Variants in GRIP2 observed in about 807,000 individuals in gnomAD.
GRIP2 encodes glutamate receptor-interacting protein 2.
Under a neutral mutation model 108.3 loss-of-function variants are expected in GRIP2, and 58 were observed. That is an observed-to-expected ratio of 0.54 (90% CI 0.43 to 0.67). The LOEUF (loss-of-function observed/expected upper bound fraction) is 0.67, where lower values mean the gene tolerates loss of function less well. Among genes scored for constraint, GRIP2 ranks in the 30% least tolerant of loss-of-function variants. The pLI is 0.00. For synonymous variants in GRIP2, 586 were observed against 598.2 expected (o/e 0.98, Z 0.30); for missense variants, 1,278 against 1,430.6 (o/e 0.89, Z 1.72).
At position 14,517,086 on chromosome 3, in the gene GRIP2, T is replaced by C; in HGVS notation, c.1284A>G (p.Arg428=). 1 of 1,597,498 alleles carries C rather than the reference T, an allele frequency of 6.3e-7. No homozygotes were observed. Among genetic ancestry groups the C allele is most frequent in the Non-Finnish European group, 8.5e-7 (1 of 1,172,338 alleles). The change falls in exon 11 of 24, where the codon CGA becomes CGG. Residue 428 remains arginine (R), a synonymous_variant. Transcript: ENST00000621039. The part of the protein sequence containing the change: ...PRTTMGRRRQ[R]RREHKSSLSL... The stretch of plus-strand genomic sequence containing the variant: ...TACACGAGCTCTTGTGTTCCCTTCT[T>C]CGCTGCCTCCTCCGCCCCATTGTAG...
the GRIP2 span, among the ~76,000 whole-genome samples, chr3:14,600,491 T>A: frequency 6.6e-6 from 1 of 152,214 alleles, no homozygotes; most frequent in Admixed American, 6.5e-5. Context: ...AGCCCACTCC[T>A]CTTTGTTGAG....
chr3:14,580,955 T>C, the GRIP2 span, among the ~76,000 whole-genome samples: 16 of 152,190 alleles, frequency 1.1e-4, no homozygotes, highest in Non-Finnish European at 1.9e-4. Context: ...GGCTGCAACA[T>C]AGAGACCCTG....
chr3:14,532,273 C>A (rs1243857966), intron 1 of GRIP2, among the ~76,000 whole-genome samples: 2 of 152,192 alleles, frequency 1.3e-5, no homozygotes, highest in Non-Finnish European at 2.9e-5. Context: ...CTGCTCCAGC[C>A]AGGTCTTTTT....
At chr3:14,535,601 G>A (rs1694816072) in intron 1 of GRIP2, among the ~76,000 whole-genome samples, 1 of 152,220 alleles carries the variant, frequency 6.6e-6, no homozygotes, top group Admixed American at 6.5e-5. Context: ...TACAGATGAG[G>A]AAACTGAGGC....
intron 1 of GRIP2, among the ~76,000 whole-genome samples, chr3:14,535,489 G>A (rs922575214): frequency 2.0e-5 from 3 of 152,222 alleles, no homozygotes; most frequent in Non-Finnish European, 4.4e-5. Flanking sequence ...GATCAATCAT[G>A]ATGATGGCTC....
chr3:14,538,583 T>C (rs549403692), intron 1 of GRIP2, among the ~76,000 whole-genome samples: 6 of 152,254 alleles, frequency 3.9e-5, no homozygotes, highest in Admixed American at 3.9e-4. Flanking sequence ...CTTTACACTT[T>C]TTGGAAGAAG....
At chr3:14,599,713 T>TGTGTGTGTG in the GRIP2 span, among the ~76,000 whole-genome samples, 3 of 73,516 alleles carry the variant, frequency 4.1e-5, no homozygotes, top group African/African-American at 1.8e-4. Flanking sequence ...GTGTGTGTGT[T>TGTGTGTGTG]TGTGTGTGTG....
At chr3:14,541,982 C>T (rs746586226), upstream of GRIP2, 33 of 1,352,212 alleles carry the variant, frequency 2.4e-5, no homozygotes, top group Middle Eastern at 6.3e-4. Flanking sequence ...GCTTCAACCA[C>T]GCGGGAAGGA....
rs199608684 is a variant in GRIP2, at chr3:14,513,769, T to C, written c.1535A>G (p.Asn512Ser). 828 of 1,612,720 alleles carry C rather than the reference T, an allele frequency of 5.1e-4. 4 individuals carry two copies. Among genetic ancestry groups the C allele is most frequent in the Admixed American group, 9.9e-4 (59 of 59,878 alleles). ...LQVGDRVLSI[N>S]GIATEDGTME... ...AGTCCCGTCCTCGGTGGCAATGCCA[T>C]TGATGGACAGGACACGGTCCCCCAC... The change falls in exon 13 of 24, where the codon AAT becomes AGT. Residue 512 changes from asparagine (N) to serine (S), a missense_variant. Coordinates refer to ENST00000621039, the MANE Select transcript of GRIP2 (RefSeq NM_001080423.4).
In GRIP2 at chr3:14,512,723, T is replaced by A. The variant is rs920218725; in HGVS notation, c.1720+54A>T. 1 of 1,532,056 alleles carries A rather than the reference T, an allele frequency of 6.5e-7. No homozygotes were observed. Among genetic ancestry groups the A allele is most frequent in the Non-Finnish European group, 9.0e-7 (1 of 1,110,196 alleles). 94.9% of individuals were successfully genotyped at this position (1,532,056 alleles called of 1,614,324 possible). A position where few individuals can be genotyped will look rare whatever the true frequency, so the allele number is the denominator to read the frequency against. ...TGGTCTGAGCTTGGCAAGCTCTTTT[T>A]CCCCAGCAGTTGAGCTCGCTCCCAG... On this transcript the variant is annotated intron_variant, in intron 14 of 23. Transcript: ENST00000621039. The surrounding 1 kb of genome is among the most constrained non-coding windows in gnomAD (Gnocchi z 5.1).
Position 14,517,080 on chromosome 3 carries a change from C to A in GRIP2, c.1290G>T (p.Arg430Ser). Residue 430 changes from arginine to serine, a missense_variant, in exon 11 of 24, where the codon AGG (arginine) becomes AGT (serine). Transcript: ENST00000621039. ...ACAGCTTACACGAGCTCTTGTGTTC[C>A]CTTCTTCGCTGCCTCCTCCGCCCCA... ...TTMGRRRQRRREHKSSLSLAS... is the reference protein window; with the variant it reads ...TTMGRRRQRRSEHKSSLSLAS... 1 of 1,589,560 alleles carries A rather than the reference C, an allele frequency of 6.3e-7. No individual in the cohort carries two copies. Among genetic ancestry groups the A allele is most frequent in the East Asian group, 2.3e-5 (1 of 43,426 alleles).
In GRIP2 at chr3:14,507,484, G is replaced by C. The variant is rs759299865; in HGVS notation, c.2218+77C>G. On this transcript the variant is annotated intron_variant, in intron 18 of 23. Transcript: ENST00000621039. The surrounding 1 kb of genome is among the most constrained non-coding windows in gnomAD (Gnocchi z 4.6). ...TGCAGTGAGGACTCTGTGAGGGTGTGCAGGCAAAGCCTGGCACAGAGGGAT... is the reference window on the plus strand; with the variant it reads ...TGCAGTGAGGACTCTGTGAGGGTGTCCAGGCAAAGCCTGGCACAGAGGGAT... 6 of 1,551,364 alleles carry C rather than the reference G, an allele frequency of 3.9e-6. No individual in the cohort carries two copies. In the East Asian group the frequency reaches 1.4e-4, roughly 35 times the overall value.
At position 14,522,627 on chromosome 3, in the gene GRIP2, G is replaced by C. The variant is rs1220320085; in HGVS notation, c.566+373C>G. 1 of 203,966 alleles carries C rather than the reference G, an allele frequency of 4.9e-6. No homozygotes were observed. Among genetic ancestry groups the C allele is most frequent in the Non-Finnish European group, 1.0e-5 (1 of 99,328 alleles). 12.6% of individuals were successfully genotyped at this position (203,966 alleles called of 1,614,324 possible). On this transcript the variant is annotated intron_variant, in intron 6 of 23. Transcript: ENST00000621039. The surrounding 1 kb of genome is among the most constrained non-coding windows in gnomAD (Gnocchi z 4.3). ...TCGATCAGCCAGGACCCAGGAGACT[G>C]AGTCACAGACGGCTACAGCAGTGGC...
Position 14,507,664 on chromosome 3 carries a change from G to A in GRIP2, c.2115C>T (p.Ala705=), listed in dbSNP as rs1282967969. The change falls in exon 18 of 24, where the codon GCC becomes GCT. Residue 705 remains alanine (A), a synonymous_variant. Coordinates refer to ENST00000621039, the MANE Select transcript of GRIP2 (RefSeq NM_001080423.4). This position sits in a 1 kb window ranked among gnomAD's most constrained non-coding sequence, Gnocchi z 4.6. ...GAIHVGDRIL[A]INNVSLKGRP... is the part of the protein sequence containing the mutation. The stretch of plus-strand genomic sequence containing the variant: ...GGCCCTTGAGGCTAACGTTGTTGAT[G>A]GCCAGAATGCGGTCCCCCACGTGGA... 3 of 1,613,994 alleles carry A rather than the reference G, an allele frequency of 1.9e-6. No homozygotes were observed. The South Asian group carries it at 3.3e-5, about 18-fold the overall frequency.
intron 17 of GRIP2, among the ~76,000 whole-genome samples, chr3:14,508,617 G>A (rs755354195): frequency 2.6e-5 from 4 of 152,184 alleles, no homozygotes; most frequent in Non-Finnish European, 4.4e-5. Context: ...GGTGGGCTCC[G>A]GGAGGGGACC....
chr3:14,570,495 C>T, the GRIP2 span, among the ~76,000 whole-genome samples: 1 of 152,330 alleles, frequency 6.6e-6, no homozygotes, highest in African/African-American at 2.4e-5. Flanking sequence ...GGCTGCAGGT[C>T]CCGTCCTGTC....
At chr3:14,572,797 G>A in the GRIP2 span, 10 of 714,366 alleles carry the variant, frequency 1.4e-5, no homozygotes, top group Non-Finnish European at 1.9e-5. Flanking sequence ...CAGGGTTGTC[G>A]TGTCTGGCTC....
upstream of GRIP2, among the ~76,000 whole-genome samples, chr3:14,560,732 T>A (rs1695304659): frequency 6.6e-6 from 1 of 152,218 alleles, no homozygotes; most frequent in South Asian, 2.1e-4. Flanking sequence ...AAGTTGGGTA[T>A]CCCTTTTGAA....
chr3:14,543,196 T>C (rs1312047360), upstream of GRIP2, among the ~76,000 whole-genome samples: 1 of 152,134 alleles, frequency 6.6e-6, no homozygotes, highest in African/African-American at 2.4e-5. Flanking sequence ...AGGGTCTCGC[T>C]CCTCCAAGTG....
Sources: gnomAD v4.1 joint callset for allele counts (sites outside exome capture counted in the v4.1 genomes callset) on GRCh38, gnomAD v4.1.1 for gene constraint, Gnocchi (gnomAD v3.1) non-coding constraint, MANE v1.5 for transcripts, NCBI Gene and HGNC (gene_info 2026-07-23, HGNC 2026-07-21) for gene names.